MAP7D2: variants seen among roughly 807,000 people sequenced by gnomAD.
The protein encoded by MAP7D2 is MAP7 domain-containing protein 2.
Under a neutral mutation model 63.5 loss-of-function variants are expected in MAP7D2, and 33 were observed. The ratio of observed to expected loss-of-function variants is 0.52; its 90% CI spans 0.39 to 0.70. The LOEUF is 0.70. Among genes scored for constraint, MAP7D2 ranks in the 30% least tolerant of loss-of-function variants. MAP7D2 has a pLI of 0.00. For missense variants in MAP7D2, 626 were observed against 604.0 expected, an observed-to-expected ratio of 1.04 and a Z score of -0.38; for synonymous variants, 224 against 223.7, an observed-to-expected ratio of 1.00 and a Z score of -0.01.
chrX:20,065,755 T>G (rs1165860156), intron 1 of MAP7D2, among the ~76,000 whole-genome samples: 2 of 111,999 alleles, frequency 1.8e-5, no homozygotes, highest in African/African-American at 6.5e-5. Flanking sequence ...GAAATATCCC[T>G]GGAGCTTTTC....
intron 1 of MAP7D2, among the ~76,000 whole-genome samples, chrX:20,092,333 T>G (rs917327645): frequency 2.7e-5 from 3 of 111,350 alleles, no homozygotes; most frequent in Non-Finnish European, 5.6e-5. Flanking sequence ...TCAAGGTCTC[T>G]CTGACCTTCC....
At chrX:20,026,033 C>T in intron 8 of MAP7D2, 81 bp from the exon 9 acceptor site, 1 of 1,034,354 alleles carries the variant, frequency 9.7e-7, no homozygotes, top group East Asian at 3.0e-5. Context: ...CTAGTTCCAA[C>T]AAGCTGAACA....
At chrX:20,066,377 G>A (rs1308217662) in intron 1 of MAP7D2, among the ~76,000 whole-genome samples, 3 of 111,862 alleles carry the variant, frequency 2.7e-5, no homozygotes, top group Non-Finnish European at 5.6e-5. Context: ...CTGGCCCACA[G>A]TGTAGGCAGT....
intron 1 of MAP7D2, among the ~76,000 whole-genome samples, chrX:20,092,512 T>C (rs1018746793): frequency 1.8e-5 from 2 of 112,041 alleles, no homozygotes; most frequent in Non-Finnish European, 3.8e-5. Context: ...AGTATACAAG[T>C]TATCTTGTCC....
chrX:20,027,015 T>C (rs1398413145), intron 8 of MAP7D2, among the ~76,000 whole-genome samples: 1 of 112,361 alleles, frequency 8.9e-6, no homozygotes, highest in African/African-American at 3.2e-5. Context: ...TCAAAGACGA[T>C]TTTTCACCAG....
At chrX:20,024,178 C>T (rs1373870579) in intron 10 of MAP7D2, among the ~76,000 whole-genome samples, 2 of 112,098 alleles carry the variant, frequency 1.8e-5, no homozygotes, top group East Asian at 2.8e-4. Context: ...ATGATAAAAT[C>T]GACCTTGTCC....
intron 1 of MAP7D2, among the ~76,000 whole-genome samples, chrX:20,087,914 G>T (rs769595778): frequency 1.3e-5 from 1 of 78,327 alleles, no homozygotes; most frequent in African/African-American, 5.0e-5. Flanking sequence ...TTTTTGAGAC[G>T]GAGTCTCACA....
intron 1 of MAP7D2, among the ~76,000 whole-genome samples, chrX:20,082,383 G>A (rs1286159739): frequency 9.0e-6 from 1 of 111,588 alleles, no homozygotes; most frequent in Non-Finnish European, 1.9e-5. Context: ...TTTTTAATTA[G>A]AGAGTAAAAC....
At chrX:20,102,231 T>C (rs1182221722) in intron 1 of MAP7D2, among the ~76,000 whole-genome samples, 1 of 111,780 alleles carries the variant, frequency 8.9e-6, no homozygotes, top group Non-Finnish European at 1.9e-5. Flanking sequence ...TGCATTTTCA[T>C]AATCAATGCT....
At chrX:20,107,201 A>G (rs1603409745) in intron 1 of MAP7D2, among the ~76,000 whole-genome samples, 2 of 110,787 alleles carry the variant, frequency 1.8e-5, no homozygotes, top group East Asian at 5.7e-4. Context: ...GGAAGCCAGG[A>G]TTGGTTGGTT....
At chrX:20,082,689 C>T (rs767811434) in intron 1 of MAP7D2, among the ~76,000 whole-genome samples, 3 of 112,188 alleles carry the variant, frequency 2.7e-5, no homozygotes, top group African/African-American at 6.5e-5. Flanking sequence ...AGTGCAATGG[C>T]GCGATCTCGG....
intron 1 of MAP7D2, among the ~76,000 whole-genome samples, chrX:20,086,375 C>T (rs1434529686): frequency 9.0e-6 from 1 of 111,712 alleles, no homozygotes; most frequent in African/African-American, 3.3e-5. Context: ...TTCAGCTACA[C>T]GATAAATGAA....
Position 20,020,858 on chromosome X carries a change from C to T in MAP7D2, c.1412+4093G>A, listed in dbSNP as rs376813938. On this transcript the variant is annotated intron_variant, in intron 10 of 16. Transcript: ENST00000379643. ...CTGTCTAACTGGAATATTCTCTTTC[C>T]TTCAATTTTTTAAAAAGATGGGGTC... Among the ~76,000 whole-genome samples, 17 of 111,791 alleles carry T rather than the reference C, an allele frequency of 1.5e-4. No individual in the cohort carries two copies. In the South Asian group the frequency reaches 3.0e-3, roughly 20 times the overall value.
intron 1 of MAP7D2, among the ~76,000 whole-genome samples, chrX:20,104,202 G>A (rs1347203952): frequency 1.8e-5 from 2 of 112,479 alleles, no homozygotes; most frequent in Non-Finnish European, 3.8e-5. Context: ...GTAAAATCAA[G>A]TGAAGTGGAA....
chrX:20,058,652 G>A (rs2065124427), intron 3 of MAP7D2, among the ~76,000 whole-genome samples: 1 of 112,020 alleles, frequency 8.9e-6, no homozygotes, highest in Admixed American at 9.4e-5. Context: ...CACCACTGGA[G>A]ATTCATTCCT....
chrX:20,024,957 T>C lies in MAP7D2; in HGVS notation c.1406A>G (p.Gln469Arg), dbSNP rs755359532. 4 of 1,210,447 alleles carry C rather than the reference T, an allele frequency of 3.3e-6. No individual in the cohort carries two copies. The highest frequency in any genetic ancestry group is 1.1e-6 in the Non-Finnish European group (1 of 894,912). Residue 469 changes from glutamine (Q) to arginine (R), a missense_variant, in exon 10 of 17, where the codon CAA (glutamine) becomes CGA (arginine). Gln to Arg is a conservative substitution (Grantham distance 43, BLOSUM62 1). Coordinates refer to ENST00000379643, the MANE Select transcript of MAP7D2 (RefSeq NM_001168465.2). ...EEQERLEKEE[Q>R]DRLEREELKR... ...ATTCTGAGCACTAGCATACCTATCT[T>C]GTTCTTCCTTCTCCAGTCGTTCTTG...
intron 1 of MAP7D2, among the ~76,000 whole-genome samples, chrX:20,075,667 T>C (rs985698134): frequency 8.0e-5 from 9 of 111,909 alleles, no homozygotes; most frequent in African/African-American, 2.9e-4. Flanking sequence ...TAGGAATTCA[T>C]CTTTTGACAC....
intron 7 of MAP7D2, among the ~76,000 whole-genome samples, chrX:20,043,727 T>C (rs993169730): frequency 7.1e-5 from 8 of 112,598 alleles, no homozygotes; most frequent in African/African-American, 2.6e-4. Flanking sequence ...ATTTGTTAAG[T>C]AGCAATCAAT....
intron 1 of MAP7D2, among the ~76,000 whole-genome samples, chrX:20,093,110 G>C (rs2066113293): frequency 8.9e-6 from 1 of 111,799 alleles, no homozygotes; most frequent in Non-Finnish European, 1.9e-5. Flanking sequence ...GCCTCATAGT[G>C]ACAGAATGAA....
Sources: gnomAD v4.1 joint callset for allele counts (sites outside exome capture counted in the v4.1 genomes callset) on GRCh38, gnomAD v4.1.1 for gene constraint, MANE v1.5 for transcripts, NCBI Gene and HGNC (gene_info 2026-07-23, HGNC 2026-07-21) for gene names.